Variants in MYH9 observed in about 807,000 individuals in gnomAD.
MYH9 encodes the protein myosin heavy chain 9.
A neutral mutation model predicts 241.9 loss-of-function variants in MYH9; 29 were observed. The observed-to-expected ratio is 0.12, with a 90% CI of 0.09 to 0.16. The LOEUF (loss-of-function observed/expected upper bound fraction) is 0.16, where lower values mean the gene tolerates loss of function less well. MYH9 is among the 10% of genes least tolerant of loss of function. The pLI, the probability that MYH9 is intolerant of heterozygous loss-of-function variation, is 1.00. For missense variants in MYH9, 1,803 were observed against 2,595.5 expected, an observed-to-expected ratio of 0.69 and a Z score of 6.63; for synonymous variants, 1,047 against 1,062.6, an observed-to-expected ratio of 0.99 and a Z score of 0.29.
intron 3 of MYH9, among the ~76,000 whole-genome samples, chr22:36,340,759 C>A (rs1281256756): frequency 6.6e-6 from 1 of 151,950 alleles, no homozygotes; most frequent in Non-Finnish European, 1.5e-5. Context: ...CTTAGCAACA[C>A]ACAGGTCATA....
chr22:36,360,517 T>A (rs1004422051), intron 1 of MYH9, among the ~76,000 whole-genome samples: 1 of 151,624 alleles, frequency 6.6e-6, no homozygotes, highest in Non-Finnish European at 1.5e-5. Flanking sequence ...ATCGAGACCA[T>A]CCTGGCTAAC....
At chr22:36,354,910 C>T (rs950739784) in intron 1 of MYH9, among the ~76,000 whole-genome samples, 3 of 150,778 alleles carry the variant, frequency 2.0e-5, no homozygotes, top group Non-Finnish European at 4.4e-5. Context: ...AGCAACCAAC[C>T]AGCATCATCA....
chr22:36,302,684 G>A lies in MYH9; in HGVS notation c.2391-8C>T, dbSNP rs779684452. 5.6e-6 allele frequency: 9 copies of A among 1,612,150 alleles called. No individual in the cohort carries two copies. The highest frequency in any genetic ancestry group is 7.6e-6 in the Non-Finnish European group (9 of 1,178,884). On this transcript the variant is annotated splice_region_variant and splice_polypyrimidine_tract_variant and intron_variant, in intron 19 of 40. Transcript: ENST00000216181. ...TGCCGCTTGGCAAATGCTCTGTGTG[G>A]TGAGGAACATGGTCAGCGCGGAGCA...
At chr22:36,327,585 G>A in intron 3 of MYH9, 97 bp from the exon 4 acceptor site, 1 of 1,389,340 alleles carries the variant, frequency 7.2e-7, no homozygotes, top group South Asian at 1.2e-5. Flanking sequence ...AGGGAGCACA[G>A]TGTCACAGAT....
rs560785690 is a variant in MYH9, at chr22:36,289,990, T to C, written c.4345-693A>G. Reference sequence around the variant, plus strand: ...GTTCAGTCTATCGTTCCCTACAAAATGCAGGGGCCGGATCCGGCTACCACA... The same window carrying C: ...GTTCAGTCTATCGTTCCCTACAAAACGCAGGGGCCGGATCCGGCTACCACA... On this transcript the variant is annotated intron_variant, in intron 31 of 40. Coordinates refer to ENST00000216181, the MANE Select transcript of MYH9 (RefSeq NM_002473.6). 2.1e-4 allele frequency among the ~76,000 whole-genome samples: 32 copies of C among 152,234 alleles called. No homozygotes were observed. The South Asian group carries it at 6.6e-3, about 32-fold the overall frequency.
At chr22:36,358,971 G>A (rs781425664) in intron 1 of MYH9, among the ~76,000 whole-genome samples, 1 of 152,042 alleles carries the variant, frequency 6.6e-6, no homozygotes, top group South Asian at 2.1e-4. Flanking sequence ...CATTCCCAGC[G>A]GTATATAATC....
Position 36,288,130 on chromosome 22 carries a change from A to C in MYH9, c.4932+122T>G. 8.2e-7 allele frequency: 1 copy of C among 1,218,456 alleles called. No individual in the cohort carries two copies. The highest frequency in any genetic ancestry group is 1.2e-6 in the Non-Finnish European group (1 of 842,014). The allele number at this position is 1,218,456 out of a possible 1,614,324, so 75.5% of individuals were successfully genotyped here. A position where few individuals can be genotyped will look rare whatever the true frequency, so the allele number is the denominator to read the frequency against. ...CAGTGAGATGGGGCTGGAAGCACCC[A>C]GGACCTTCCCAGGAGGTGCCACCCT... On this transcript the variant is annotated intron_variant, in intron 34 of 40. Coordinates refer to ENST00000216181, the MANE Select transcript of MYH9 (RefSeq NM_002473.6). This position sits in a 1 kb window ranked among gnomAD's most constrained non-coding sequence, Gnocchi z 4.8.
chr22:36,348,430 A>G (rs954795680), intron 2 of MYH9, among the ~76,000 whole-genome samples: 1 of 150,918 alleles, frequency 6.6e-6, no homozygotes, highest in Non-Finnish European at 1.5e-5. Flanking sequence ...AATCGCTTGA[A>G]CCCAGGAGAC....
Position 36,285,632 on chromosome 22 carries a change from A to T in MYH9, c.5274+26T>A, listed in dbSNP as rs756290049. 1 of 1,611,488 alleles carries T rather than the reference A, an allele frequency of 6.2e-7. No homozygotes were observed. The highest frequency in any genetic ancestry group is 8.5e-7 in the Non-Finnish European group (1 of 1,179,978). On this transcript the variant is annotated intron_variant, in intron 37 of 40. Transcript: ENST00000216181. The surrounding 1 kb of genome is among the most constrained non-coding windows in gnomAD (Gnocchi z 7.0). ...GCCGTGGTGGCTCCAGCCAGAGCCCAGAGTGGGAGAAGTCCTGGCACCCAC... is the reference window on the plus strand; with the variant it reads ...GCCGTGGTGGCTCCAGCCAGAGCCCTGAGTGGGAGAAGTCCTGGCACCCAC...
intron 24 of MYH9, among the ~76,000 whole-genome samples, chr22:36,297,931 G>A (rs2016814023): frequency 6.6e-6 from 1 of 152,160 alleles, no homozygotes; most frequent in Non-Finnish European, 1.5e-5. Context: ...TGACAGCTCC[G>A]TGTCTATGTT....
At chr22:36,319,964 G>A (rs1335369523) in intron 9 of MYH9, 2 of 613,510 alleles carry the variant, frequency 3.3e-6, no homozygotes, top group Non-Finnish European at 5.7e-6. Context: ...AAATGGCAAG[G>A]GCTGTGCAGT....
chr22:36,336,476 A>G (rs1443447204), intron 3 of MYH9, among the ~76,000 whole-genome samples: 2 of 152,274 alleles, frequency 1.3e-5, no homozygotes, highest in African/African-American at 4.8e-5. Flanking sequence ...GGCAAGGGCC[A>G]GCAACACAAC....
intron 1 of MYH9, among the ~76,000 whole-genome samples, chr22:36,375,398 G>GC (rs2146420861): frequency 6.6e-6 from 1 of 152,328 alleles, no homozygotes; most frequent in South Asian, 2.1e-4. Flanking sequence ...AGTAGCCAAG[G>GC]CATCAATGCT....
At chr22:36,331,127 C>T (rs1424939972) in intron 3 of MYH9, among the ~76,000 whole-genome samples, 2 of 152,112 alleles carry the variant, frequency 1.3e-5, no homozygotes, top group African/African-American at 4.8e-5. Flanking sequence ...AAGCCACAGC[C>T]GAGAGCGCTG....
At position 36,301,546 on chromosome 22, in the gene MYH9, C is replaced by T. The variant is rs1304272556; in HGVS notation, c.2619G>A (p.Thr873=). ...AAENRLTEME[T]LQSQLMAEKL... The stretch of plus-strand genomic sequence containing the variant: ...CACTGACACCCACCTGAGACTGCAG[C>T]GTCTCCATCTCCGTGAGCCTGTTCT... The change falls in exon 21 of 41, where the codon ACG becomes ACA. Residue 873 remains threonine (T), a synonymous_variant. Transcript: ENST00000216181. 7 of 1,613,540 alleles carry T rather than the reference C, an allele frequency of 4.3e-6. No homozygotes were observed. The Admixed American group carries it at 8.3e-5, about 19-fold the overall frequency.
In MYH9 at chr22:36,282,277, C is replaced by T. The variant is rs934197256; in HGVS notation, c.*391G>A. The T allele has an allele frequency of 1.8e-5, 7 of 386,774 alleles. No individual in the cohort carries two copies. Among genetic ancestry groups the T allele is most frequent in the Admixed American group, 1.2e-4 (3 of 24,456 alleles). The allele number at this position is 386,774 out of a possible 1,614,324, so 24.0% of individuals were successfully genotyped here. ...GGGAGGCTGACGACTGCGGGGGCTC[C>T]GACTACCAAAAGGCCTCAGTCTGAA... On this transcript the variant is annotated 3_prime_UTR_variant, in exon 41 of 41. Transcript: ENST00000216181.
Position 36,282,667 on chromosome 22 carries a change from C to T in MYH9, c.*1G>A. ...CCATCTCAGGCTGCAGGAGAAGAGG[C>T]TTATTCGGCAGGTTTGGCCTCAGCC... On this transcript the variant is annotated 3_prime_UTR_variant, in exon 41 of 41. Coordinates refer to ENST00000216181, the MANE Select transcript of MYH9 (RefSeq NM_002473.6). 1 of 1,613,662 alleles carries T rather than the reference C, an allele frequency of 6.2e-7. No homozygotes were observed. The highest frequency in any genetic ancestry group is 1.1e-5 in the South Asian group (1 of 91,084).
intron 1 of MYH9, among the ~76,000 whole-genome samples, chr22:36,383,008 C>T (rs2018283797): frequency 6.6e-6 from 1 of 151,846 alleles, no homozygotes; most frequent in Non-Finnish European, 1.5e-5. Flanking sequence ...GTTGCTTGAG[C>T]CCAGGGGTTT....
chr22:36,356,080 T>TCAGACACCCCAGCGGCCTCAGCC (rs1431641674), intron 1 of MYH9, among the ~76,000 whole-genome samples: 6 of 152,134 alleles, frequency 3.9e-5, no homozygotes, highest in Non-Finnish European at 8.8e-5. Context: ...AGGCTTCAGT[T>TCAGACACCCCAGCGGCCTCAGCC]CAGACACCCC....
Sources: gnomAD v4.1 joint callset for allele counts (sites outside exome capture counted in the v4.1 genomes callset) on GRCh38, gnomAD v4.1.1 for gene constraint, Gnocchi (gnomAD v3.1) non-coding constraint, MANE v1.5 for transcripts, NCBI Gene and HGNC (gene_info 2026-07-23, HGNC 2026-07-21) for gene names.